The following FCRL5 variants were observed in gnomAD, a reference collection of about 807,000 sequenced individuals.
The protein encoded by FCRL5 is Fc receptor-like protein 5.
A neutral mutation model predicts 92.1 loss-of-function variants in FCRL5; 79 were observed. That is an observed-to-expected ratio of 0.86 (90% confidence interval 0.72 to 1.03). The LOEUF is 1.03. Ranked by LOEUF, FCRL5 falls within the 50% of genes least tolerant of loss-of-function variation. FCRL5 has a pLI of 0.00. For synonymous variants in FCRL5, 466 were observed against 469.3 expected, an observed-to-expected ratio of 0.99 and a Z score of 0.09; for missense variants, 1,160 against 1,181.1, an observed-to-expected ratio of 0.98 and a Z score of 0.26.
At chr1:157,517,899 T>C (rs1160112814) in intron 15 of FCRL5, among the ~76,000 whole-genome samples, 1 of 152,112 alleles carries the variant, frequency 6.6e-6, no homozygotes, top group Non-Finnish European at 1.5e-5. Context: ...ATGATGATTA[T>C]CATGATGAGA....
chr1:157,542,676 C>G, intron 6 of FCRL5, 183 bp downstream of exon 6: 1 of 725,812 alleles, frequency 1.4e-6, no homozygotes, highest in Admixed American at 2.7e-5. Context: ...GGCACCTAGA[C>G]TGCAATGCAA....
intron 2 of FCRL5, among the ~76,000 whole-genome samples, chr1:157,548,834 G>A (rs1651677123): frequency 6.6e-6 from 1 of 152,214 alleles, no homozygotes; most frequent in Non-Finnish European, 1.5e-5. Context: ...TACACTGTTG[G>A]TGGGAGTGTA....
chr1:157,539,938 T>C (rs1261998184), intron 6 of FCRL5, among the ~76,000 whole-genome samples: 2 of 152,224 alleles, frequency 1.3e-5, no homozygotes, highest in African/African-American at 2.4e-5. Flanking sequence ...ATATCTTCCC[T>C]TTCACCTTTA....
At chr1:157,520,380 G>T in intron 12 of FCRL5, 51 bp downstream of exon 12, 1 of 1,317,220 alleles carries the variant, frequency 7.6e-7, no homozygotes, top group Non-Finnish European at 1.1e-6. Context: ...CCAAGGGAGC[G>T]TTGCTGGGAA....
chr1:157,522,993 G>T (rs762671385), intron 10 of FCRL5, among the ~76,000 whole-genome samples: 12 of 152,206 alleles, frequency 7.9e-5, no homozygotes, highest in Non-Finnish European at 1.6e-4. Context: ...GGTTGGTGCT[G>T]CTGGTGGGGG....
chr1:157,518,829 T>C lies in FCRL5; in HGVS notation c.2661-47A>G, dbSNP rs772238981. On this transcript the variant is annotated intron_variant, in intron 13 of 16. Coordinates refer to ENST00000361835, the MANE Select transcript of FCRL5 (RefSeq NM_031281.3). ...ATGTTTCTTAGGAATCCAGACAAAG[T>C]AGCTATAATGATCACTCCTAGTGAG... 4.0e-6 allele frequency: 6 copies of C among 1,507,986 alleles called. No homozygotes were observed. In the East Asian group the frequency reaches 1.1e-4, roughly 28 times the overall value. 93.4% of individuals were successfully genotyped at this position (1,507,986 alleles called of 1,614,324 possible). A position where few individuals can be genotyped will look rare whatever the true frequency, so the allele number is the denominator to read the frequency against.
chr1:157,520,219 A>G (rs1196099658), intron 12 of FCRL5, among the ~76,000 whole-genome samples: 1 of 152,162 alleles, frequency 6.6e-6, no homozygotes, highest in Non-Finnish European at 1.5e-5. Context: ...ACTACATCTC[A>G]TCAAGACGTC....
chr1:157,524,450 G>C lies in FCRL5; in HGVS notation c.2068C>G (p.Leu690Val), dbSNP rs1315662235. ...CEALRGSSPI[L>V]YWFYHEDVTL... ...ACATCTTCATGATAAAACCAGTACA[G>C]GATTGGGGAGGAGCCTCTCAGGGCC... Residue 690 changes from leucine to valine, a missense_variant, in exon 10 of 17, where the codon CTG becomes GTG. Leu to Val is a conservative substitution (Grantham distance 32, BLOSUM62 1). Transcript: ENST00000361835. The C allele has an allele frequency of 1.2e-6, 2 of 1,614,130 alleles. No homozygotes were observed. Among genetic ancestry groups the C allele is most frequent in the Non-Finnish European group, 1.7e-6 (2 of 1,180,056 alleles).
chr1:157,529,534 A>G (rs28869618), intron 8 of FCRL5, among the ~76,000 whole-genome samples: 9,832 of 152,234 alleles, frequency 0.065, 803 homozygotes, highest in African/African-American at 0.19. Context: ...TTGCAAAACT[A>G]TGGAACCAGC....
chr1:157,526,079 C>T (rs1233282258), intron 9 of FCRL5, among the ~76,000 whole-genome samples: 3 of 152,162 alleles, frequency 2.0e-5, no homozygotes, highest in Non-Finnish European at 4.4e-5. Flanking sequence ...AGTTCTGGAA[C>T]ATGCCAGTGC....
chr1:157,520,694 G>C (rs113369395), intron 11 of FCRL5, 147 bp from the exon 12 acceptor site: 1 of 646,048 alleles, frequency 1.5e-6, no homozygotes, highest in South Asian at 2.0e-5. Flanking sequence ...ACAGAAGATG[G>C]CTCCTGTCTT....
chr1:157,513,501 T>A lies in FCRL5; in HGVS notation c.*2174A>T. 1 of 152,326 alleles carries A rather than the reference T, an allele frequency of 6.6e-6. No homozygotes were observed. Among genetic ancestry groups the A allele is most frequent in the Non-Finnish European group, 1.5e-5 (1 of 68,016 alleles). The allele number at this position is 152,326 out of a possible 1,614,324, so 9.4% of individuals were successfully genotyped here. A position where few individuals can be genotyped will look rare whatever the true frequency, so the allele number is the denominator to read the frequency against. ...CAATAGCATAGTTTCTTTCAGTCCA[T>A]ATGCCAGCAAGCTCAAGACCCAAGA... On this transcript the variant is annotated 3_prime_UTR_variant, in exon 17 of 17. Transcript: ENST00000361835.
chr1:157,548,051 C>G (rs1204014312), intron 2 of FCRL5, among the ~76,000 whole-genome samples: 1 of 152,212 alleles, frequency 6.6e-6, no homozygotes, highest in Non-Finnish European at 1.5e-5. Flanking sequence ...TTTTCTGGCT[C>G]GCTGATTGAG....
Position 157,521,246 on chromosome 1 carries a change from A to G in FCRL5, c.2286T>C (p.His762=). 1 of 1,614,030 alleles carries G rather than the reference A, an allele frequency of 6.2e-7. No individual in the cohort carries two copies. Residue 762 remains histidine (H), a synonymous_variant, in exon 11 of 17, where the codon CAT becomes CAC. Transcript: ENST00000361835. ...PVLTLRAPGT[H]AAVGDLLELH... ...GCTCCAGCAGGTCCCCCACCGCAGC[A>G]TGGGTCCCGGGAGCCCTGAGGGTGA...
intron 1 of FCRL5, among the ~76,000 whole-genome samples, chr1:157,551,894 G>T (rs1651834714): frequency 6.6e-6 from 1 of 152,142 alleles, no homozygotes; most frequent in South Asian, 2.1e-4. Flanking sequence ...ACAAGAGAAA[G>T]ACCTGTCTTT....
At chr1:157,539,902 T>G (rs1451500834) in intron 6 of FCRL5, among the ~76,000 whole-genome samples, 1 of 152,232 alleles carries the variant, frequency 6.6e-6, no homozygotes, top group Admixed American at 6.5e-5. Context: ...ACACATACTT[T>G]TAAAAAAATT....
chr1:157,543,022 C>A lies in FCRL5; in HGVS notation c.960G>T (p.Arg320Ser), dbSNP rs751246312. Reference sequence around the variant, plus strand: ...TCAGGGGGACACCCTCATGATAAAACCTGTACAAAGTGCGCAGAGAATCTT... The same window carrying A: ...TCAGGGGGACACCCTCATGATAAAAACTGTACAAAGTGCGCAGAGAATCTT... ...TQEDSLRTLY[R>S]FYHEGVPLRH... The change falls in exon 6 of 17, where the codon AGG becomes AGT. Residue 320 changes from arginine (R) to serine (S), a missense_variant. Transcript: ENST00000361835. 1 of 1,614,228 alleles carries A rather than the reference C, an allele frequency of 6.2e-7. No homozygotes were observed. Among genetic ancestry groups the A allele is most frequent in the South Asian group, 1.1e-5 (1 of 91,084 alleles).
intron 3 of FCRL5, chr1:157,546,182 T>A (rs1038386359): frequency 4.8e-6 from 2 of 415,978 alleles, no homozygotes; most frequent in Non-Finnish European, 9.4e-6. Context: ...GTGCAGTGGC[T>A]CATACCTGTA....
At chr1:157,527,993 A>C (rs1650515595) in intron 8 of FCRL5, 98 bp from the exon 9 acceptor site, 1 of 1,336,112 alleles carries the variant, frequency 7.5e-7, no homozygotes. Flanking sequence ...GAAATAAAGG[A>C]CATCCAAATT....
Sources: gnomAD v4.1 joint callset for allele counts (sites outside exome capture counted in the v4.1 genomes callset) on GRCh38, gnomAD v4.1.1 for gene constraint, MANE v1.5 for transcripts, NCBI Gene and HGNC (gene_info 2026-07-23, HGNC 2026-07-21) for gene names.